SLC39A3: variants seen among roughly 807,000 people sequenced by gnomAD.
SLC39A3 encodes the protein zinc transporter ZIP3.
In SLC39A3, 3 loss-of-function variants were observed where a neutral mutation model predicts 5.1. The observed-to-expected ratio is 0.59, with a 90% confidence interval of 0.27 to 1.54. The LOEUF (loss-of-function observed/expected upper bound fraction) is 1.54, where lower values mean the gene tolerates loss of function less well. Among genes scored for constraint, SLC39A3 ranks in the 40% most tolerant of loss-of-function variants. The pLI is 0.12. For missense variants in SLC39A3, 412 were observed against 436.4 expected (o/e 0.94, Z 0.50); for synonymous variants, 250 against 218.8 (o/e 1.14, Z -1.26).
chr19:2,739,217 G>T (rs1026657733), intron 1 of SLC39A3, among the ~76,000 whole-genome samples: 1 of 150,300 alleles, frequency 6.7e-6, no homozygotes, highest in African/African-American at 2.5e-5. Flanking sequence ...CTCAAAAACC[G>T]CTGGCTGAAC....
At position 2,733,537 on chromosome 19, in the gene SLC39A3, C is replaced by T. The variant is rs768269957; in HGVS notation, c.211-52G>A. 7.1e-6 allele frequency: 11 copies of T among 1,553,342 alleles called. No individual in the cohort carries two copies. Among genetic ancestry groups the T allele is most frequent in the East Asian group, 4.5e-5 (2 of 44,266 alleles). On this transcript the variant is annotated intron_variant, in intron 2 of 2. Coordinates refer to ENST00000269740, the MANE Select transcript of SLC39A3 (RefSeq NM_144564.5). The surrounding 1 kb of genome is among the most constrained non-coding windows in gnomAD (Gnocchi z 6.1). ...GAGAGAGACCCACGCTCAGGGGTGG[C>T]GGCGACAGGGCTGGCCAGATGTCAC... is the stretch of plus-strand genomic sequence containing the variant.
Position 2,737,045 on chromosome 19 carries a change from T to C in SLC39A3, c.210+3A>G. The C allele has an allele frequency of 6.2e-7, 1 of 1,614,122 alleles. No homozygotes were observed. The highest frequency in any genetic ancestry group is 8.5e-7 in the Non-Finnish European group (1 of 1,180,016). ...CTGCTGCTAGTGCCCAGGGAGCCCT[T>C]ACCTTTTCCCTCACAGCGGGCAGCA... On this transcript the variant is annotated splice_donor_region_variant and intron_variant, in intron 2 of 2. Coordinates refer to ENST00000269740, the MANE Select transcript of SLC39A3 (RefSeq NM_144564.5).
intron 1 of SLC39A3, among the ~76,000 whole-genome samples, chr19:2,739,728 G>C (rs1914489342): frequency 6.6e-6 from 1 of 152,160 alleles, no homozygotes; most frequent in South Asian, 2.1e-4. Flanking sequence ...GGTGAGGGTG[G>C]CCTGCACGCT....
In SLC39A3 at chr19:2,732,720, GC is replaced by G. The variant is rs371089816; in HGVS notation, c.*30del. 6.6e-4 allele frequency: 1,005 copies of G among 1,513,004 alleles called. 5 individuals are homozygous for G. The African/African-American group carries it at 0.01, about 16-fold the overall frequency. The allele number at this position is 1,513,004 out of a possible 1,614,324, so 93.7% of individuals were successfully genotyped here. A position where few individuals can be genotyped will look rare whatever the true frequency, so the allele number is the denominator to read the frequency against. On this transcript the variant is annotated 3_prime_UTR_variant, in exon 3 of 3. Coordinates refer to ENST00000269740, the MANE Select transcript of SLC39A3 (RefSeq NM_144564.5). ...GTGTCCGGCCCGGGGCTCCCGGCGG[GC>G]TCCGGCGGCAGGGACAATGGCGAGG...
In SLC39A3 at chr19:2,733,285, G is replaced by A. The variant is rs1914254874; in HGVS notation, c.411C>T (p.Phe137=). ...VGSDSEYESP[F]MGGARGHALY... is the part of the protein sequence containing the mutation. ...GCGCGTGGCCCCGCGCGCCCCCCAT[G>A]AAGGGGCTCTCATACTCCGAGTCGC... Residue 137 remains phenylalanine (F), a synonymous_variant, in exon 3 of 3, where the codon TTC becomes TTT. Coordinates refer to ENST00000269740, the MANE Select transcript of SLC39A3 (RefSeq NM_144564.5). This position sits in a 1 kb window ranked among gnomAD's most constrained non-coding sequence, Gnocchi z 6.1. 3 of 1,612,774 alleles carry A rather than the reference G, an allele frequency of 1.9e-6. No individual in the cohort carries two copies. The highest frequency in any genetic ancestry group is 2.2e-5 in the South Asian group (2 of 91,090).
chr19:2,736,864 G>T, intron 2 of SLC39A3, 184 bp downstream of exon 2: 1 of 1,488,000 alleles, frequency 6.7e-7, no homozygotes, highest in South Asian at 1.4e-5. Context: ...CCCCTTGTTT[G>T]GCCGGTAGAG....
In SLC39A3 at chr19:2,733,448, T is replaced by G; in HGVS notation, c.248A>C (p.Asp83Ala). The G allele has an allele frequency of 6.2e-7, 1 of 1,612,704 alleles. No homozygotes were observed. Among genetic ancestry groups the G allele is most frequent in the Non-Finnish European group, 8.5e-7 (1 of 1,179,974 alleles). Residue 83 changes from aspartate (D) to alanine (A), a missense_variant, in exon 3 of 3, where the codon GAC (aspartate) becomes GCC (alanine). Asp to Ala is a moderately radical substitution (Grantham distance 126, BLOSUM62 -2). Transcript: ENST00000269740. The surrounding 1 kb of genome is among the most constrained non-coding windows in gnomAD (Gnocchi z 6.1). ...KVLSLGHIST[D>A]YPLAETILLL... is the part of the protein sequence containing the mutation. ...GAGGATGGTTTCGGCCAGCGGGTAG[T>G]CGGTGCTGATGTGGCCGAGGCTCAG...
chr19:2,736,118 C>T, intron 2 of SLC39A3: 2 of 985,530 alleles, frequency 2.0e-6, no homozygotes, highest in African/African-American at 3.5e-5. Flanking sequence ...GACCCACACT[C>T]TGGGCTGCTG....
rs1314603187 is a variant in SLC39A3, at chr19:2,734,895, G to C, written c.211-1410C>G. ...CTCCCAAGAGACAGACGTTGATCAG[G>C]AGAGATGAGGCAGATGCACGGGAGC... is the stretch of plus-strand genomic sequence containing the variant. On this transcript the variant is annotated intron_variant, in intron 2 of 2. Coordinates refer to ENST00000269740, the MANE Select transcript of SLC39A3 (RefSeq NM_144564.5). This position sits in a 1 kb window ranked among gnomAD's most constrained non-coding sequence, Gnocchi z 4.6. 6 of 985,388 alleles carry C rather than the reference G, an allele frequency of 6.1e-6. No homozygotes were observed. In the African/African-American group the frequency reaches 1.0e-4, roughly 17 times the overall value. The allele number at this position is 985,388 out of a possible 1,614,324, so 61.0% of individuals were successfully genotyped here. A position where few individuals can be genotyped will look rare whatever the true frequency, so the allele number is the denominator to read the frequency against.
Position 2,739,937 on chromosome 19 carries a change from G to C in SLC39A3, c.-123+8C>G, listed in dbSNP as rs1176660739. ...GCCGCCCCAGGTCCTCTCTCTGCCCGCACCTACCTCCCGGGGGCCCCTCGT... is the reference window on the plus strand; with the variant it reads ...GCCGCCCCAGGTCCTCTCTCTGCCCCCACCTACCTCCCGGGGGCCCCTCGT... On this transcript the variant is annotated splice_region_variant and intron_variant, in intron 1 of 2. Transcript: ENST00000269740. The C allele has an allele frequency of 6.6e-6, 1 of 152,320 alleles. No individual in the cohort carries two copies. The highest frequency in any genetic ancestry group is 2.4e-5 in the African/African-American group (1 of 41,394). The allele number at this position is 152,320 out of a possible 1,614,324, so 9.4% of individuals were successfully genotyped here. A position where few individuals can be genotyped will look rare whatever the true frequency, so the allele number is the denominator to read the frequency against.
rs1205421023 is a variant in SLC39A3, at chr19:2,734,685, C to G, written c.211-1200G>C. On this transcript the variant is annotated intron_variant, in intron 2 of 2. Coordinates refer to ENST00000269740, the MANE Select transcript of SLC39A3 (RefSeq NM_144564.5). The surrounding 1 kb of genome is among the most constrained non-coding windows in gnomAD (Gnocchi z 4.6). The stretch of plus-strand genomic sequence containing the variant: ...ACTCCAGGCCAGGAGCACCCCCCAT[C>G]GTGACAACCACAATGTCCCCAGGCA... The G allele has an allele frequency of 6.2e-6, 6 of 966,544 alleles. No individual in the cohort carries two copies. The highest frequency in any genetic ancestry group is 7.4e-6 in the Non-Finnish European group (6 of 812,780). The allele number at this position is 966,544 out of a possible 1,614,324, so 59.9% of individuals were successfully genotyped here.
At position 2,734,366 on chromosome 19, in the gene SLC39A3, C is replaced by T. The variant is rs779434123; in HGVS notation, c.211-881G>A. ...GCCTGCTTCCCTGCTTCCTTCCCAG[C>T]GGAGACTTCATTACAACCTGCGCAC... On this transcript the variant is annotated intron_variant, in intron 2 of 2. Coordinates refer to ENST00000269740, the MANE Select transcript of SLC39A3 (RefSeq NM_144564.5). The surrounding 1 kb of genome is among the most constrained non-coding windows in gnomAD (Gnocchi z 4.6). Among the ~76,000 whole-genome samples, 5 of 152,268 alleles carry T rather than the reference C, an allele frequency of 3.3e-5. No homozygotes were observed. The highest frequency in any genetic ancestry group is 3.4e-3 in the Middle Eastern group (1 of 294).
At chr19:2,736,739 G>A (rs1423485314) in intron 2 of SLC39A3, 2 of 1,427,094 alleles carry the variant, frequency 1.4e-6, no homozygotes, top group Non-Finnish European at 1.8e-6. Flanking sequence ...ACCGAAGAGA[G>A]GCCATGCTTT....
In SLC39A3 at chr19:2,735,883, C is replaced by G; in HGVS notation, c.210+1165G>C. ...CAGACAACAGCCCTTCTCCTCCTTTCTGGACACTAGGCACGAGGAAAAGCA... is the reference window on the plus strand; with the variant it reads ...CAGACAACAGCCCTTCTCCTCCTTTGTGGACACTAGGCACGAGGAAAAGCA... On this transcript the variant is annotated intron_variant, in intron 2 of 2. Coordinates refer to ENST00000269740, the MANE Select transcript of SLC39A3 (RefSeq NM_144564.5). The surrounding 1 kb of genome is among the most constrained non-coding windows in gnomAD (Gnocchi z 5.7). The G allele has an allele frequency of 1.0e-6, 1 of 985,524 alleles. No individual in the cohort carries two copies. Among genetic ancestry groups the G allele is most frequent in the Non-Finnish European group, 1.2e-6 (1 of 830,004 alleles). 61.0% of individuals were successfully genotyped at this position (985,524 alleles called of 1,614,324 possible).
chr19:2,735,007 C>T lies in SLC39A3; in HGVS notation c.211-1522G>A, dbSNP rs921029290. ...GGGGGCTCGGGAGTAGGGACCTCAT[C>T]CGCCTGACCAGCCCGAGGACAGGAG... On this transcript the variant is annotated intron_variant, in intron 2 of 2. Coordinates refer to ENST00000269740, the MANE Select transcript of SLC39A3 (RefSeq NM_144564.5). The surrounding 1 kb of genome is among the most constrained non-coding windows in gnomAD (Gnocchi z 5.7). 2.0e-4 allele frequency: 193 copies of T among 985,308 alleles called. No homozygotes were observed. Among genetic ancestry groups the T allele is most frequent in the Non-Finnish European group, 2.1e-4 (176 of 829,956 alleles). The allele number at this position is 985,308 out of a possible 1,614,324, so 61.0% of individuals were successfully genotyped here.
intron 1 of SLC39A3, among the ~76,000 whole-genome samples, chr19:2,739,099 C>CA (rs76854834): frequency 0.4 from 11,414 of 28,854 alleles, 2,138 homozygotes; most frequent in East Asian, 0.56. Context: ...GACTCCGTCT[C>CA]AAAAAAAAAA....
rs143048374 is a variant in SLC39A3 at position 2,737,180 on chromosome 19, G to A, written c.78C>T (p.Pro26=). The change falls in exon 2 of 3, where the codon CCC becomes CCT. Residue 26 remains proline (P), a synonymous_variant. Coordinates refer to ENST00000269740, the MANE Select transcript of SLC39A3 (RefSeq NM_144564.5). ...CAAAATCTGTCTCGATGATCTTCACGGGGAGCAGGGAGCCGAGCAGCATGA... is the reference window on the plus strand; with the variant it reads ...CAAAATCTGTCTCGATGATCTTCACAGGGAGCAGGGAGCCGAGCAGCATGA... The part of the protein sequence containing the change: ...FFFMLLGSLL[P]VKIIETDFEK... 15 of 1,614,134 alleles carry A rather than the reference G, an allele frequency of 9.3e-6. No homozygotes were observed. Among genetic ancestry groups the A allele is most frequent in the South Asian group, 3.3e-5 (3 of 91,072 alleles).
chr19:2,733,573 A>G lies in SLC39A3; in HGVS notation c.211-88T>C. The G allele has an allele frequency of 6.7e-7, 1 of 1,482,452 alleles. No individual in the cohort carries two copies. Among genetic ancestry groups the G allele is most frequent in the East Asian group, 2.3e-5 (1 of 43,648 alleles). 91.8% of individuals were successfully genotyped at this position (1,482,452 alleles called of 1,614,324 possible). On this transcript the variant is annotated intron_variant, in intron 2 of 2. Transcript: ENST00000269740. The surrounding 1 kb of genome is among the most constrained non-coding windows in gnomAD (Gnocchi z 6.1). ...CTGGCCAGATGTCACCGTTCAAAGCAAAGTCCAGAAATCCCCGATTCACAC... is the reference window on the plus strand; with the variant it reads ...CTGGCCAGATGTCACCGTTCAAAGCGAAGTCCAGAAATCCCCGATTCACAC...
Position 2,733,420 on chromosome 19 carries a change from C to A in SLC39A3, c.276G>T (p.Leu92=). Residue 92 remains leucine (L), a synonymous_variant, in exon 3 of 3, where the codon CTG becomes CTT. Transcript: ENST00000269740. The surrounding 1 kb of genome is among the most constrained non-coding windows in gnomAD (Gnocchi z 6.1). ...TDYPLAETIL[L]LGFFMTVFLE... ...GGAAGACGGTCATGAAGAAGCCCAG[C>A]AGGAGGATGGTTTCGGCCAGCGGGT... 5.6e-6 allele frequency: 9 copies of A among 1,613,020 alleles called. No individual in the cohort carries two copies. The highest frequency in any genetic ancestry group is 7.6e-6 in the Non-Finnish European group (9 of 1,180,020).
Sources: gnomAD v4.1 joint callset for allele counts (sites outside exome capture counted in the v4.1 genomes callset) on GRCh38, gnomAD v4.1.1 for gene constraint, Gnocchi (gnomAD v3.1) non-coding constraint, MANE v1.5 for transcripts, NCBI Gene and HGNC (gene_info 2026-07-23, HGNC 2026-07-21) for gene names.